SGCZ: variants seen among roughly 807,000 people sequenced by gnomAD.
SGCZ encodes sarcoglycan zeta.
In SGCZ, 40 loss-of-function variants were observed where a neutral mutation model predicts 41.3. The observed-to-expected ratio is 0.97, with a 90% CI of 0.75 to 1.26. SGCZ has a LOEUF of 1.26. Ranked by LOEUF, SGCZ falls within the 50% of genes most tolerant of loss-of-function variation. The pLI is 0.00. For missense variants in SGCZ, 552 were observed against 369.8 expected, an observed-to-expected ratio of 1.49 and a Z score of -4.04; for synonymous variants, 206 against 137.5, an observed-to-expected ratio of 1.50 and a Z score of -3.49.
chr8:14,872,141 G>A (rs1487622863), intron 1 of SGCZ, among the ~76,000 whole-genome samples: 1 of 151,862 alleles, frequency 6.6e-6, no homozygotes, highest in Admixed American at 6.6e-5. Context: ...AAACAGGGAG[G>A]GGAACATCAC....
At chr8:14,252,988 C>T (rs1048688476) in intron 3 of SGCZ, among the ~76,000 whole-genome samples, 1 of 152,134 alleles carries the variant, frequency 6.6e-6, no homozygotes, top group African/African-American at 2.4e-5. Flanking sequence ...TCAGAACATA[C>T]AGCCTGTGAA....
intron 2 of SGCZ, among the ~76,000 whole-genome samples, chr8:14,438,205 C>T (rs948799972): frequency 2.0e-5 from 3 of 152,020 alleles, no homozygotes; most frequent in Non-Finnish European, 2.9e-5. Flanking sequence ...TTTATACCTG[C>T]TTAATCACTA....
At chr8:14,561,727 G>T (rs1804212801) in intron 1 of SGCZ, among the ~76,000 whole-genome samples, 1 of 152,014 alleles carries the variant, frequency 6.6e-6, no homozygotes, top group Non-Finnish European at 1.5e-5. Context: ...CATTTACTTG[G>T]ATCCTCCTGC....
intron 4 of SGCZ, among the ~76,000 whole-genome samples, chr8:14,211,536 A>T (rs1210013337): frequency 1.3e-5 from 2 of 152,184 alleles, no homozygotes; most frequent in Non-Finnish European, 2.9e-5. Flanking sequence ...GAAAAGCTTT[A>T]ACTGACTCAC....
In SGCZ at chr8:14,259,237, C is replaced by T. The variant is rs945765490; in HGVS notation, c.337-21558G>A. On this transcript the variant is annotated intron_variant, in intron 3 of 7. Transcript: ENST00000382080. ...AAAAACACACATGAATAGAATTGGA[C>T]CCACAAAAATGTATAAAAGGCAGCA... Among the ~76,000 whole-genome samples the T allele has an allele frequency of 3.3e-5, 5 of 152,168 alleles. No homozygotes were observed. The East Asian group carries it at 9.7e-4, about 29-fold the overall frequency.
chr8:14,442,077 C>T (rs1800287687), intron 2 of SGCZ, among the ~76,000 whole-genome samples: 1 of 152,184 alleles, frequency 6.6e-6, no homozygotes, highest in South Asian at 2.1e-4. Context: ...TTACAAATTG[C>T]TGACTTCATG....
chr8:14,806,379 TA>T (rs1342874498), intron 1 of SGCZ, among the ~76,000 whole-genome samples: 1 of 148,910 alleles, frequency 6.7e-6, no homozygotes, highest in Non-Finnish European at 1.5e-5. Context: ...ATAGACACAA[TA>T]AAAAATGATA....
intron 1 of SGCZ, among the ~76,000 whole-genome samples, chr8:15,128,661 T>A (rs113778079): frequency 6.6e-6 from 1 of 152,214 alleles, no homozygotes; most frequent in Non-Finnish European, 1.5e-5. Context: ...ATAGTTTGTG[T>A]TCTGTGAAAT....
At chr8:14,848,591 C>T (rs891351575) in intron 1 of SGCZ, among the ~76,000 whole-genome samples, 1 of 152,080 alleles carries the variant, frequency 6.6e-6, no homozygotes, top group African/African-American at 2.4e-5. Flanking sequence ...AAAGGTATTT[C>T]CATAAAAGAA....
At chr8:14,396,187 G>A (rs1798914280) in intron 2 of SGCZ, among the ~76,000 whole-genome samples, 1 of 152,070 alleles carries the variant, frequency 6.6e-6, no homozygotes. Context: ...TAAGTCCTCA[G>A]TAAATAACTC....
intron 1 of SGCZ, among the ~76,000 whole-genome samples, chr8:14,864,990 G>GC (rs144684409): frequency 0.024 from 3,579 of 151,820 alleles, 52 homozygotes; most frequent in Middle Eastern, 0.048. Flanking sequence ...TCAATTTTTA[G>GC]CCCATTATTA....
chr8:14,432,768 G>T (rs905554812), intron 2 of SGCZ, among the ~76,000 whole-genome samples: 6 of 151,976 alleles, frequency 3.9e-5, no homozygotes, highest in Non-Finnish European at 8.8e-5. Flanking sequence ...ACAAAAATTA[G>T]CCAGGCGTGG....
chr8:15,152,860 A>G (rs181976083), intron 1 of SGCZ, among the ~76,000 whole-genome samples: 1 of 152,306 alleles, frequency 6.6e-6, no homozygotes, highest in East Asian at 1.9e-4. Context: ...CCTGACTGCT[A>G]TAGTGATTCC....
At chr8:14,295,585 C>A (rs367680404) in intron 3 of SGCZ, among the ~76,000 whole-genome samples, 1 of 151,992 alleles carries the variant, frequency 6.6e-6, no homozygotes, top group Non-Finnish European at 1.5e-5. Context: ...AGGATTCAAC[C>A]ATCTGCTGTA....
At chr8:15,113,598 G>A (rs986459033) in intron 1 of SGCZ, among the ~76,000 whole-genome samples, 6 of 152,136 alleles carry the variant, frequency 3.9e-5, no homozygotes, top group African/African-American at 9.6e-5. Flanking sequence ...ATGTCTCTTC[G>A]GCATGAACTA....
At chr8:14,388,020 A>C (rs2117209310) in intron 2 of SGCZ, among the ~76,000 whole-genome samples, 1 of 152,292 alleles carries the variant, frequency 6.6e-6, no homozygotes, top group Non-Finnish European at 1.5e-5. Flanking sequence ...TGTAAGAAAA[A>C]CACACAAGGT....
chr8:14,540,248 T>TTTTTA (rs398007113), intron 2 of SGCZ, among the ~76,000 whole-genome samples: 1 of 92,452 alleles, frequency 1.1e-5, no homozygotes. Context: ...TTTTTTTTTT[T>TTTTTA]ACAAATTTCT....
intron 1 of SGCZ, among the ~76,000 whole-genome samples, chr8:15,185,328 A>G (rs1213429251): frequency 6.6e-6 from 1 of 152,228 alleles, no homozygotes; most frequent in Admixed American, 6.5e-5. Flanking sequence ...ATGTATGAGA[A>G]TTAAAAAATG....
intron 1 of SGCZ, among the ~76,000 whole-genome samples, chr8:15,044,010 C>G (rs1304444158): frequency 6.6e-6 from 1 of 152,058 alleles, no homozygotes; most frequent in East Asian, 1.9e-4. Context: ...GCAGAGAACT[C>G]CAAACCACTC....
Sources: allele counts gnomAD v4.1 joint callset (sites outside exome capture counted in the v4.1 genomes callset), GRCh38; gene constraint gnomAD v4.1.1; transcripts MANE v1.5; gene names NCBI Gene and HGNC (gene_info 2026-07-23, HGNC 2026-07-21).